The following PATJ variants were observed in gnomAD, a reference collection of about 807,000 sequenced individuals.
PATJ encodes PATJ crumbs cell polarity complex component.
In PATJ, 190 loss-of-function variants were observed where a neutral mutation model predicts 224.9. That is an observed-to-expected ratio of 0.84 (90% CI 0.75 to 0.95). PATJ has a LOEUF of 0.95. Ranked by LOEUF, PATJ falls within the 40% of genes least tolerant of loss-of-function variation. The pLI, the probability that PATJ is intolerant of heterozygous loss-of-function variation, is 0.00. For synonymous variants in PATJ, 769 were observed against 820.3 expected, an observed-to-expected ratio of 0.94 and a Z score of 1.07; for missense variants, 2,121 against 2,270.3, an observed-to-expected ratio of 0.93 and a Z score of 1.34.
Position 61,787,771 on chromosome 1 carries a change from A to G in PATJ, c.867A>G (p.Thr289=), listed in dbSNP as rs1246260724. 2 of 1,613,794 alleles carry G rather than the reference A, an allele frequency of 1.2e-6. No homozygotes were observed. The highest frequency in any genetic ancestry group is 2.2e-5 in the East Asian group (1 of 44,890). The change falls in exon 8 of 44, where the codon ACA becomes ACG. Residue 289 remains threonine, a synonymous_variant. Coordinates refer to ENST00000642238, the MANE Select transcript of PATJ (RefSeq NM_001350145.3). ...TCTTGAAGGATGGAAGACTCCAGAC[A>G]GGGGACCACATCTTGAAGATTGGTG... The part of the protein sequence containing the change: ...GLADRDGRLQ[T]GDHILKIGGT...
intron 27 of PATJ, among the ~76,000 whole-genome samples, chr1:61,958,191 G>A (rs1268490153): frequency 6.6e-6 from 1 of 152,072 alleles, no homozygotes; most frequent in Non-Finnish European, 1.5e-5. Context: ...TTACATGTTT[G>A]TAATTTGTAA....
At chr1:62,143,217 C>T (rs1452377832) in intron 41 of PATJ, among the ~76,000 whole-genome samples, 1 of 152,030 alleles carries the variant, frequency 6.6e-6, no homozygotes, top group Non-Finnish European at 1.5e-5. Flanking sequence ...TAGACAGGCA[C>T]CAGCCAGCAC....
At chr1:61,777,886 T>G (rs1483485359) in intron 7 of PATJ, among the ~76,000 whole-genome samples, 1 of 151,688 alleles carries the variant, frequency 6.6e-6, no homozygotes, top group Non-Finnish European at 1.5e-5. Context: ...TTATTTTTAT[T>G]TTTATTTTTT....
intron 39 of PATJ, among the ~76,000 whole-genome samples, chr1:62,123,469 C>CTTTTTTTTT (rs34621846): frequency 1.5e-5 from 1 of 64,538 alleles, no homozygotes; most frequent in African/African-American, 6.6e-5. Flanking sequence ...CTATAAGTTT[C>CTTTTTTTTT]TTTTTTTTTT....
chr1:61,817,860 G>GT (rs1656464214), intron 14 of PATJ, among the ~76,000 whole-genome samples: 1 of 151,958 alleles, frequency 6.6e-6, no homozygotes, highest in Non-Finnish European at 1.5e-5. Context: ...GGTAAATTTA[G>GT]TAACTCCCTA....
At chr1:62,061,219 T>G (rs139428052) in intron 31 of PATJ, among the ~76,000 whole-genome samples, 2 of 152,114 alleles carry the variant, frequency 1.3e-5, no homozygotes, top group Non-Finnish European at 2.9e-5. Context: ...TTCACTCTTG[T>G]CACCCAGGCT....
chr1:62,005,119 A>C (rs1646011148), intron 28 of PATJ, among the ~76,000 whole-genome samples: 1 of 151,186 alleles, frequency 6.6e-6, no homozygotes, highest in Non-Finnish European at 1.5e-5. Flanking sequence ...GAGAGGGATG[A>C]CTGGGTTTTT....
At chr1:62,040,113 CTTT>C (rs557531285) in intron 30 of PATJ, among the ~76,000 whole-genome samples, 3 of 142,118 alleles carry the variant, frequency 2.1e-5, no homozygotes, top group Non-Finnish European at 3.1e-5. Context: ...CTCTTTCTTC[CTTT>C]TTTTTTTTTT....
chr1:62,132,866 T>G (rs751951917), intron 41 of PATJ, among the ~76,000 whole-genome samples: 9 of 151,930 alleles, frequency 5.9e-5, no homozygotes, highest in Non-Finnish European at 1.0e-4. Context: ...ATCGTGCCAC[T>G]GCACTCCGGC....
At chr1:61,845,440 A>G (rs1231117725) in intron 17 of PATJ, among the ~76,000 whole-genome samples, 1 of 152,212 alleles carries the variant, frequency 6.6e-6, no homozygotes, top group Non-Finnish European at 1.5e-5. Context: ...AACATACTTA[A>G]TATAATTTTA....
intron 41 of PATJ, among the ~76,000 whole-genome samples, chr1:62,140,970 T>TG (rs1184618224): frequency 6.6e-6 from 1 of 151,922 alleles, no homozygotes; most frequent in Admixed American, 6.6e-5. Context: ...TTCTAGGAAG[T>TG]GGGGGTGAGG....
intron 27 of PATJ, among the ~76,000 whole-genome samples, chr1:61,968,879 CT>C (rs1234252132): frequency 7.9e-5 from 12 of 152,148 alleles, no homozygotes; most frequent in African/African-American, 2.4e-4. Flanking sequence ...ATAAGAACTC[CT>C]TTTCCCCCAT....
intron 26 of PATJ, 149 bp downstream of exon 26, chr1:61,914,813 A>G: frequency 2.1e-6 from 1 of 473,610 alleles, no homozygotes; most frequent in Non-Finnish European, 3.9e-6. Context: ...TGCAAATATG[A>G]CTGGTTCTTA....
intron 4 of PATJ, among the ~76,000 whole-genome samples, chr1:61,767,755 C>T (rs570050090): frequency 6.7e-6 from 1 of 149,834 alleles, no homozygotes; most frequent in East Asian, 2.0e-4. Context: ...TGGCTCACTG[C>T]AACCTCCACC....
At chr1:62,093,341 G>A (rs188540230) in intron 33 of PATJ, among the ~76,000 whole-genome samples, 558 of 152,204 alleles carry the variant, frequency 3.7e-3, no homozygotes, top group Non-Finnish European at 4.2e-3. Flanking sequence ...TAATTTAAAC[G>A]TAGGACTACA....
At position 62,161,391 on chromosome 1, in the gene PATJ, T is replaced by A. The variant is rs1435166066; in HGVS notation, c.*337T>A. 1 of 165,324 alleles carries A rather than the reference T, an allele frequency of 6.0e-6. No individual in the cohort carries two copies. The highest frequency in any genetic ancestry group is 2.6e-5 in the African/African-American group (1 of 38,340). The allele number at this position is 165,324 out of a possible 1,614,324, so 10.2% of individuals were successfully genotyped here. ...TCTCACTCTGTCACCCAGGCTGGAG[T>A]GCAATGGCGCAATCTTGGCTCACTG... On this transcript the variant is annotated 3_prime_UTR_variant, in exon 44 of 44. Coordinates refer to ENST00000642238, the MANE Select transcript of PATJ (RefSeq NM_001350145.3).
chr1:61,776,574 G>C (rs1646924043), intron 7 of PATJ, among the ~76,000 whole-genome samples: 1 of 151,922 alleles, frequency 6.6e-6, no homozygotes, highest in South Asian at 2.1e-4. Flanking sequence ...AAAATGGGAA[G>C]TACCACCTAG....
At chr1:61,952,104 AT>A in intron 27 of PATJ, 1 of 411,934 alleles carries the variant, frequency 2.4e-6, no homozygotes, top group Non-Finnish European at 4.4e-6. Context: ...GAAACCAGGG[AT>A]TTTGCTTCTC....
At chr1:61,855,710 G>A (rs1239504323) in intron 17 of PATJ, among the ~76,000 whole-genome samples, 1 of 152,060 alleles carries the variant, frequency 6.6e-6, no homozygotes, top group Non-Finnish European at 1.5e-5. Context: ...CACTGCACCT[G>A]GCCTTTTAAT....
Sources: allele counts gnomAD v4.1 joint callset (sites outside exome capture counted in the v4.1 genomes callset), GRCh38; gene constraint gnomAD v4.1.1; transcripts MANE v1.5; gene names NCBI Gene and HGNC (gene_info 2026-07-23, HGNC 2026-07-21).